Variants in DDHD1 observed in about 807,000 individuals in gnomAD.
DDHD1 encodes DDHD domain containing 1.
DDHD1 carries 49 observed loss-of-function variants against 96.4 expected under a neutral mutation model. That is an observed-to-expected ratio of 0.51 (90% CI 0.40 to 0.64). The LOEUF is 0.64. Ranked by LOEUF, DDHD1 falls within the 30% of genes least tolerant of loss-of-function variation. DDHD1 has a pLI of 0.00. For synonymous variants in DDHD1, 442 were observed against 446.5 expected (o/e 0.99, Z 0.13); for missense variants, 1,106 against 1,161.2 (o/e 0.95, Z 0.69).
rs1399865793 is a variant in DDHD1 at position 53,051,764 on chromosome 14, C to T, written c.2521+80G>A. On this transcript the variant is annotated intron_variant, in intron 12 of 12. Coordinates refer to ENST00000673822, the MANE Select transcript of DDHD1 (RefSeq NM_001160148.2). Reference sequence around the variant, plus strand: ...GCTGGGATCTCATAGAAGAACTGATCCAATTTTTCAATAAGCAGAAGAACT... The same window carrying T: ...GCTGGGATCTCATAGAAGAACTGATTCAATTTTTCAATAAGCAGAAGAACT... 11 of 1,157,954 alleles carry T rather than the reference C, an allele frequency of 9.5e-6. No homozygotes were observed. In the African/African-American group the frequency reaches 1.4e-4, roughly 15 times the overall value. The allele number at this position is 1,157,954 out of a possible 1,614,324, so 71.7% of individuals were successfully genotyped here. A position where few individuals can be genotyped will look rare whatever the true frequency, so the allele number is the denominator to read the frequency against.
At chr14:53,066,605 T>C (rs73294023) in intron 6 of DDHD1, among the ~76,000 whole-genome samples, 4,695 of 152,304 alleles carry the variant, frequency 0.031, 238 homozygotes, top group African/African-American at 0.1. Context: ...TAATTTATCC[T>C]AGAATATTGC....
At chr14:53,132,411 C>G (rs536912944) in intron 1 of DDHD1, among the ~76,000 whole-genome samples, 1 of 152,310 alleles carries the variant, frequency 6.6e-6, no homozygotes, top group East Asian at 1.9e-4. Context: ...TCACCCTGAT[C>G]ACACTTGGTT....
Position 53,063,043 on chromosome 14 carries a change from A to T in DDHD1, c.1666T>A (p.Tyr556Asn). The T allele has an allele frequency of 6.2e-7, 1 of 1,614,142 alleles. No homozygotes were observed. ...TCTTCCTTTTGCAGCAACTGTTCAT[A>T]CAGCCGAACTGGATTCCAGCCAGTC... Reference protein sequence around the residue: ...IMTGWNPVRLYEQLLQKEEEL... With the variant: ...IMTGWNPVRLNEQLLQKEEEL... Residue 556 changes from tyrosine to asparagine, a missense_variant, in exon 7 of 13, where the codon TAT becomes AAT. This residue lies in a region of DDHD1 where 650 missense variants were observed against 758.8 expected (regional missense o/e 0.86). Transcript: ENST00000673822.
chr14:53,152,735 G>A lies in DDHD1; in HGVS notation c.364C>T (p.Gln122Ter). 1 of 1,592,414 alleles carries A rather than the reference G, an allele frequency of 6.3e-7. No homozygotes were observed. Among genetic ancestry groups the A allele is most frequent in the Middle Eastern group, 1.8e-4 (1 of 5,656 alleles). ...GAGTTCGTCGGGACCAGCGGAGGCT[G>A]CTGCGGCGGGTGCAGCGACAAGGAG... The part of the protein sequence containing the change: ...GSSLSLHPPQ[Q>*]PPLVPTNSGG... Residue 122 changes from glutamine to a stop codon, truncating the protein, a stop_gained, in exon 1 of 13, where the codon CAG becomes TAG. Coordinates refer to ENST00000673822, the MANE Select transcript of DDHD1 (RefSeq NM_001160148.2). LOFTEE classifies it high-confidence loss of function.
At chr14:53,054,756 A>ACTGTTGC in intron 10 of DDHD1, 127 bp from the exon 11 acceptor site, 1 of 774,016 alleles carries the variant, frequency 1.3e-6, no homozygotes. Context: ...CCAGGGTGGG[A>ACTGTTGC]ACATAAGAAA....
In DDHD1 at chr14:53,042,404, T is replaced by C. The variant is rs1021362499; in HGVS notation, c.*4364A>G. ...TTTTTTACTTTACCACTTCCCTCAG[T>C]TGTCACTGTATTTAGTTTTTCATGG... On this transcript the variant is annotated 3_prime_UTR_variant, in exon 13 of 13. Transcript: ENST00000673822. The C allele has an allele frequency of 6.6e-6, 1 of 152,202 alleles. No homozygotes were observed. The highest frequency in any genetic ancestry group is 1.5e-5 in the Non-Finnish European group (1 of 68,026). 9.4% of individuals were successfully genotyped at this position (152,202 alleles called of 1,614,324 possible).
chr14:53,081,552 A>G (rs1334268018), intron 4 of DDHD1, among the ~76,000 whole-genome samples: 1 of 152,214 alleles, frequency 6.6e-6, no homozygotes, highest in East Asian at 1.9e-4. Context: ...TCTAACAACT[A>G]AGGGTTTTAT....
chr14:53,153,223 C>G lies in DDHD1; in HGVS notation c.-125G>C. 1.1e-6 allele frequency: 1 copy of G among 900,330 alleles called. No homozygotes were observed. The highest frequency in any genetic ancestry group is 3.0e-5 in the South Asian group (1 of 33,588). 55.8% of individuals were successfully genotyped at this position (900,330 alleles called of 1,614,324 possible). A position where few individuals can be genotyped will look rare whatever the true frequency, so the allele number is the denominator to read the frequency against. On this transcript the variant is annotated 5_prime_UTR_variant, in exon 1 of 13. Coordinates refer to ENST00000673822, the MANE Select transcript of DDHD1 (RefSeq NM_001160148.2). ...CTAATCTTTCAAATCCCGACCCGAG[C>G]TGCGGCGGCAGCGGCGACCGCTCCG...
chr14:53,069,705 A>G (rs1884349976), intron 6 of DDHD1, among the ~76,000 whole-genome samples: 1 of 152,214 alleles, frequency 6.6e-6, no homozygotes, highest in Non-Finnish European at 1.5e-5. Flanking sequence ...ACACACATGC[A>G]TATTTTAGAA....
rs138849841 is a variant in DDHD1 at position 53,100,131 on chromosome 14, T to G, written c.1012+3552A>C. Among the ~76,000 whole-genome samples the G allele has an allele frequency of 8.1e-4, 123 of 152,306 alleles. 1 individual carries two copies. Among genetic ancestry groups the G allele is most frequent in the African/African-American group, 2.8e-3 (116 of 41,562 alleles). Reference sequence around the variant, plus strand: ...CCAACATGGTGTACAACTATTTACATGGCATCACATAGTATTAGGTATCAT... The same window carrying G: ...CCAACATGGTGTACAACTATTTACAGGGCATCACATAGTATTAGGTATCAT... On this transcript the variant is annotated intron_variant, in intron 2 of 12. Transcript: ENST00000673822.
intron 1 of DDHD1, among the ~76,000 whole-genome samples, chr14:53,105,878 A>G (rs1887650427): frequency 6.6e-6 from 1 of 150,668 alleles, no homozygotes. Flanking sequence ...TATTTCTGCT[A>G]TTTTTTTATT....
At chr14:53,094,254 G>C (rs971002992) in intron 2 of DDHD1, among the ~76,000 whole-genome samples, 5 of 151,924 alleles carry the variant, frequency 3.3e-5, no homozygotes, top group Non-Finnish European at 7.4e-5. Context: ...CCTTTAAACT[G>C]GGAAAAAAAT....
At chr14:53,050,097 C>T (rs1244478436) in intron 12 of DDHD1, among the ~76,000 whole-genome samples, 1 of 152,028 alleles carries the variant, frequency 6.6e-6, no homozygotes, top group African/African-American at 2.4e-5. Context: ...AACAGAGGTA[C>T]AGTAAAGGAC....
chr14:53,063,549 C>CTT (rs1296802082), intron 6 of DDHD1, among the ~76,000 whole-genome samples: 1 of 150,128 alleles, frequency 6.7e-6, no homozygotes, highest in Non-Finnish European at 1.5e-5. Flanking sequence ...CCGCAAATTT[C>CTT]TTTTTTGTTG....
Position 53,064,291 on chromosome 14 carries a change from G to A in DDHD1, c.1504-1086C>T, listed in dbSNP as rs138753033. On this transcript the variant is annotated intron_variant, in intron 6 of 12. Coordinates refer to ENST00000673822, the MANE Select transcript of DDHD1 (RefSeq NM_001160148.2). ...AAAATAATTTCCTTTAAAAGCAACA[G>A]TTCTTAATCGTTTTTATTTTTGAAG... Among the ~76,000 whole-genome samples, 467 of 152,062 alleles carry A rather than the reference G, an allele frequency of 3.1e-3. 2 individuals carry two copies. Among genetic ancestry groups the A allele is most frequent in the African/African-American group, 0.011 (451 of 41,516 alleles).
chr14:53,070,007 A>G (rs1884377389), intron 6 of DDHD1, among the ~76,000 whole-genome samples: 1 of 152,128 alleles, frequency 6.6e-6, no homozygotes, highest in African/African-American at 2.4e-5. Context: ...TTCTGAGGAT[A>G]GTTATCTTTC....
At chr14:53,060,737 T>C (rs1307744412) in intron 8 of DDHD1, among the ~76,000 whole-genome samples, 3 of 152,228 alleles carry the variant, frequency 2.0e-5, no homozygotes, top group Non-Finnish European at 4.4e-5. Context: ...CTCTATGCCT[T>C]TGTTTATGCC....
rs182046501 is a variant in DDHD1, at chr14:53,136,577, C to T, written c.838+15684G>A. 1.4e-3 allele frequency among the ~76,000 whole-genome samples: 209 copies of T among 152,208 alleles called. 1 individual carries two copies. Among genetic ancestry groups the T allele is most frequent in the African/African-American group, 4.7e-3 (197 of 41,510 alleles). On this transcript the variant is annotated intron_variant, in intron 1 of 12. Transcript: ENST00000673822. Reference sequence around the variant, plus strand: ...ACATAAAGGAGAAAACTACCTGAAGCCAGGGAAAAGAACCACTGGAAAGGA... The same window carrying T: ...ACATAAAGGAGAAAACTACCTGAAGTCAGGGAAAAGAACCACTGGAAAGGA...
chr14:53,093,507 T>C, intron 2 of DDHD1, 63 bp from the exon 3 acceptor site: 4 of 1,570,726 alleles, frequency 2.5e-6, no homozygotes, highest in Non-Finnish European at 3.4e-6. Flanking sequence ...GTTTGAAGAA[T>C]TATAACACTC....
Sources: gnomAD v4.1 joint callset for allele counts (sites outside exome capture counted in the v4.1 genomes callset) on GRCh38, gnomAD v4.1.1 for gene constraint, gnomAD v4.1.1 regional missense constraint, MANE v1.5 for transcripts, NCBI Gene and HGNC (gene_info 2026-07-23, HGNC 2026-07-21) for gene names.